The following TUBA3C variants were observed in gnomAD, a reference collection of about 807,000 sequenced individuals.
TUBA3C encodes the protein tubulin alpha-3C chain.
TUBA3C carries 23 observed loss-of-function variants against 33.4 expected under a neutral mutation model. The ratio of observed to expected loss-of-function variants is 0.69; its 90% CI spans 0.50 to 0.98. TUBA3C has a LOEUF of 0.98. TUBA3C is among the 50% of genes least tolerant of loss of function. The pLI, the probability that TUBA3C is intolerant of heterozygous loss-of-function variation, is 0.00. For synonymous variants in TUBA3C, 269 were observed against 250.4 expected, an observed-to-expected ratio of 1.07 and a Z score of -0.70; for missense variants, 402 against 616.0, an observed-to-expected ratio of 0.65 and a Z score of 3.68.
intron 1 of TUBA3C, among the ~76,000 whole-genome samples, 184 bp from the exon 2 acceptor site, chr13:19,179,747 A>G (rs1056662643): frequency 1.3e-5 from 2 of 152,134 alleles, no homozygotes; most frequent in East Asian, 1.9e-4. Context: ...CTTGCTCTAC[A>G]CCATCCCAGC....
intron 4 of TUBA3C, among the ~76,000 whole-genome samples, chr13:19,175,445 T>C (rs943278354): frequency 4.6e-5 from 7 of 152,150 alleles, no homozygotes; most frequent in Non-Finnish European, 1.0e-4. Context: ...CATTTCTCTG[T>C]TGGGCCTGTG....
At chr13:19,174,302 G>A (rs902178931) in intron 4 of TUBA3C, 143 bp from the exon 5 acceptor site, 2 of 1,282,646 alleles carry the variant, frequency 1.6e-6, no homozygotes, top group African/African-American at 1.5e-5. Flanking sequence ...GCCCTTCTCT[G>A]TGCCAGGCAG....
At chr13:19,181,127 A>C (rs1229792107) in intron 1 of TUBA3C, among the ~76,000 whole-genome samples, 1 of 149,828 alleles carries the variant, frequency 6.7e-6, no homozygotes, top group Admixed American at 6.7e-5. Context: ...ATCATGACTC[A>C]CTGCGGCCTC....
rs772227336 is a variant in TUBA3C, at chr13:19,181,792, C to T, written c.-45G>A. On this transcript the variant is annotated 5_prime_UTR_variant, in exon 1 of 5. Transcript: ENST00000400113. ...GCAGCCCAACGCTACTACTTGACCT[C>T]AACCGCCGCTGCAGCTGCGCACGCC... 2.5e-6 allele frequency: 4 copies of T among 1,596,588 alleles called. No individual in the cohort carries two copies. The highest frequency in any genetic ancestry group is 3.4e-6 in the Non-Finnish European group (4 of 1,176,128).
Position 19,181,788 on chromosome 13 carries a change from A to T in TUBA3C, c.-41T>A. 6.3e-7 allele frequency: 1 copy of T among 1,596,876 alleles called. No individual in the cohort carries two copies. The highest frequency in any genetic ancestry group is 8.5e-7 in the Non-Finnish European group (1 of 1,176,286). On this transcript the variant is annotated 5_prime_UTR_variant, in exon 1 of 5. Transcript: ENST00000400113. ...TGCCGCAGCCCAACGCTACTACTTG[A>T]CCTCAACCGCCGCTGCAGCTGCGCA...
intron 2 of TUBA3C, among the ~76,000 whole-genome samples, chr13:19,179,102 A>G (rs1174362887): frequency 6.6e-6 from 1 of 152,186 alleles, no homozygotes; most frequent in African/African-American, 2.4e-5. Flanking sequence ...GAATCTCTCC[A>G]CAGCCCATCT....
At position 19,177,149 on chromosome 13, in the gene TUBA3C, G is replaced by A. The variant is rs565156516; in HGVS notation, c.834C>T (p.Ala278=). The change falls in exon 4 of 5, where the codon GCC becomes GCT. Residue 278 remains alanine, a synonymous_variant. Transcript: ENST00000400113. This position sits in a 1 kb window ranked among gnomAD's most constrained non-coding sequence, Gnocchi z 5.0. ...ACAGCTGCTCGTGGTAGGCCTTCTC[G>A]GCTGAGATGACCGGGGCGTAGGTGG... is the stretch of plus-strand genomic sequence containing the variant. ...PLATYAPVIS[A]EKAYHEQLSV... The A allele has an allele frequency of 1.4e-4, 219 of 1,614,068 alleles. 1 individual carries two copies. The highest frequency in any genetic ancestry group is 1.6e-4 in the Non-Finnish European group (189 of 1,180,020).
In TUBA3C at chr13:19,177,315, G is replaced by A. The variant is rs775853757; in HGVS notation, c.668C>T (p.Thr223Met). 1.9e-5 allele frequency: 31 copies of A among 1,614,162 alleles called. No homozygotes were observed. In the East Asian group the frequency reaches 3.1e-4, roughly 16 times the overall value. The change falls in exon 4 of 5, where the codon ACG (threonine) becomes ATG (methionine). Residue 223 changes from threonine (T) to methionine (M), a missense_variant. Coordinates refer to ENST00000400113, the MANE Select transcript of TUBA3C (RefSeq NM_006001.3). The surrounding 1 kb of genome is among the most constrained non-coding windows in gnomAD (Gnocchi z 5.0). ...CRRNLDIERP[T>M]YTNLNRLIGQ... ...AATCAGGCGATTGAGGTTGGTGTAC[G>A]TGGGACGCTCGATGTCCAGGTTGCG... is the stretch of plus-strand genomic sequence containing the variant.
At chr13:19,174,969 C>T (rs1395382547) in intron 4 of TUBA3C, among the ~76,000 whole-genome samples, 2 of 151,972 alleles carry the variant, frequency 1.3e-5, no homozygotes, top group Admixed American at 6.6e-5. Context: ...AATTAAAAGG[C>T]CGGGCACGGT....
intron 3 of TUBA3C, 80 bp downstream of exon 3, chr13:19,178,166 G>A: frequency 6.3e-7 from 1 of 1,576,860 alleles, no homozygotes; most frequent in Non-Finnish European, 8.6e-7. Context: ...TCTAGGTTTT[G>A]ACAAAATGAC....
chr13:19,176,063 A>G (rs1160366830), intron 4 of TUBA3C, among the ~76,000 whole-genome samples: 1 of 152,108 alleles, frequency 6.6e-6, no homozygotes, highest in Non-Finnish European at 1.5e-5. Context: ...TTTTTAGTGG[A>G]GAGCTGTGAT....
At chr13:19,176,842 AG>A (rs2138955162) in intron 4 of TUBA3C, 84 bp downstream of exon 4, 1 of 1,508,164 alleles carries the variant, frequency 6.6e-7, no homozygotes, top group East Asian at 2.4e-5. Flanking sequence ...GTATCCTCAA[AG>A]GATGTGGGCC....
At chr13:19,174,277 C>A in intron 4 of TUBA3C, 118 bp from the exon 5 acceptor site, 2 of 1,365,626 alleles carry the variant, frequency 1.5e-6, no homozygotes, top group Non-Finnish European at 2.0e-6. Context: ...CAGTTCACCC[C>A]ACAAATGTCA....
At position 19,177,267 on chromosome 13, in the gene TUBA3C, G is replaced by C. The variant is rs376723832; in HGVS notation, c.716C>G (p.Thr239Arg). The C allele has an allele frequency of 5.1e-5, 83 of 1,614,042 alleles. No homozygotes were observed. The highest frequency in any genetic ancestry group is 8.5e-7 in the Non-Finnish European group (1 of 1,180,054). Reference sequence around the variant, plus strand: ...GGCCCCGTCAAATCGCAGGGAGGCCGTGATGGAGGACACGATCTGCCCAAT... The same window carrying C: ...GGCCCCGTCAAATCGCAGGGAGGCCCTGATGGAGGACACGATCTGCCCAAT... ...RLIGQIVSSI[T>R]ASLRFDGALN... The change falls in exon 4 of 5, where the codon ACG becomes AGG. Residue 239 changes from threonine (T) to arginine (R), a missense_variant. Physicochemically the swap from Thr to Arg is moderately conservative, Grantham distance 71. Coordinates refer to ENST00000400113, the MANE Select transcript of TUBA3C (RefSeq NM_006001.3). The surrounding 1 kb of genome is among the most constrained non-coding windows in gnomAD (Gnocchi z 5.0).
chr13:19,181,714 C>G, intron 1 of TUBA3C, 31 bp downstream of exon 1: 1 of 1,601,522 alleles, frequency 6.2e-7, no homozygotes, highest in South Asian at 1.1e-5. Context: ...CCAGCCTGGG[C>G]GTCTGCGGGG....
chr13:19,181,408 A>G (rs36214438), intron 1 of TUBA3C, among the ~76,000 whole-genome samples: 12,786 of 152,134 alleles, frequency 0.084, 637 homozygotes, highest in African/African-American at 0.13. Flanking sequence ...GGACAGAGAC[A>G]TTTGGAGACC....
intron 1 of TUBA3C, among the ~76,000 whole-genome samples, chr13:19,180,272 T>C (rs1869354947): frequency 6.6e-6 from 1 of 152,066 alleles, no homozygotes; most frequent in African/African-American, 2.4e-5. Flanking sequence ...GCCCTCTTCA[T>C]AAAGTTACCC....
intron 4 of TUBA3C, among the ~76,000 whole-genome samples, chr13:19,175,675 C>A (rs1869153159): frequency 1.3e-5 from 2 of 152,200 alleles, no homozygotes; most frequent in Non-Finnish European, 2.9e-5. Flanking sequence ...ATTTTGCTAT[C>A]CGACAGCAGA....
intron 1 of TUBA3C, among the ~76,000 whole-genome samples, chr13:19,180,115 C>T (rs572912558): frequency 2.6e-5 from 4 of 152,258 alleles, no homozygotes; most frequent in East Asian, 3.9e-4. Context: ...TCTCTGGCTT[C>T]GTGCTGGTTT....
Sources: gnomAD v4.1 joint callset for allele counts (sites outside exome capture counted in the v4.1 genomes callset) on GRCh38, gnomAD v4.1.1 for gene constraint, Gnocchi (gnomAD v3.1) non-coding constraint, MANE v1.5 for transcripts, NCBI Gene and HGNC (gene_info 2026-07-23, HGNC 2026-07-21) for gene names.